Variants in CRYBB2 observed in about 807,000 individuals in gnomAD.
CRYBB2 encodes the protein crystallin beta B2.
Under a neutral mutation model 24.3 loss-of-function variants are expected in CRYBB2, and 12 were observed. That is an observed-to-expected ratio of 0.49 (90% CI 0.32 to 0.80). CRYBB2 has a LOEUF of 0.80. Among genes scored for constraint, CRYBB2 ranks in the 30% least tolerant of loss-of-function variants. The pLI, the probability that CRYBB2 is intolerant of heterozygous loss-of-function variation, is 0.04. For synonymous variants in CRYBB2, 98 were observed against 101.6 expected, an observed-to-expected ratio of 0.96 and a Z score of 0.21; for missense variants, 198 against 268.5, an observed-to-expected ratio of 0.74 and a Z score of 1.83.
At chr22:25,218,233 T>C (rs962138520), upstream of CRYBB2, among the ~76,000 whole-genome samples, 5 of 147,210 alleles carry the variant, frequency 3.4e-5, no homozygotes, top group Non-Finnish European at 7.4e-5. Context: ...CACTCCAGCC[T>C]GGGCGACAGA....
At position 25,221,462 on chromosome 22, in the gene CRYBB2, G is replaced by A. The variant is rs575112867; in HGVS notation, c.33G>A (p.Lys11=). The A allele has an allele frequency of 7.4e-6, 12 of 1,613,886 alleles. No homozygotes were observed. In the South Asian group the frequency reaches 9.9e-5, roughly 13 times the overall value. Residue 11 remains lysine (K), a synonymous_variant, in exon 2 of 6, where the codon AAG becomes AAA. Transcript: ENST00000398215. The part of the protein sequence containing the change: MASDHQTQAG[K]PQSLNPKIII... ...CAGATCACCAGACCCAGGCGGGCAAGCCACAGTCCCTCAACCCCAAGGTGG... is the reference window on the plus strand; with the variant it reads ...CAGATCACCAGACCCAGGCGGGCAAACCACAGTCCCTCAACCCCAAGGTGG...
upstream of CRYBB2, among the ~76,000 whole-genome samples, chr22:25,218,735 GGGAGAGAGAGA>G (rs1569015960): frequency 1.9e-3 from 79 of 41,492 alleles, 2 homozygotes; most frequent in African/African-American, 7.3e-3. Flanking sequence ...AGAGAGAGAG[GGGAGAGAGAGA>G]GAGAGAGAGA....
At chr22:25,218,743 GA>G (rs1270415629), upstream of CRYBB2, among the ~76,000 whole-genome samples, 4 of 24,008 alleles carry the variant, frequency 1.7e-4, no homozygotes, top group Admixed American at 3.4e-4. Flanking sequence ...AGGGGAGAGA[GA>G]GAGAGAGAGA....
upstream of CRYBB2, among the ~76,000 whole-genome samples, chr22:25,218,814 G>GAAAGAAAGAAAGAAAGAAAGAAAGA (rs1569016409): frequency 4.6e-4 from 58 of 126,424 alleles, no homozygotes; most frequent in African/African-American, 1.8e-3. Context: ...AAGAAAGAAA[G>GAAAGAAAGAAAGAAAGAAAGAAAGA]AAAGAAAGAA....
upstream of CRYBB2, among the ~76,000 whole-genome samples, chr22:25,211,728 T>C (rs117625895): frequency 1.1e-4 from 17 of 152,268 alleles, no homozygotes; most frequent in Non-Finnish European, 2.2e-4. Flanking sequence ...AATTTTGTCT[T>C]CTATGGGGCA....
At chr22:25,225,518 CA>C (rs141382461) in intron 3 of CRYBB2, among the ~76,000 whole-genome samples, 14,055 of 152,158 alleles carry the variant, frequency 0.092, 780 homozygotes, top group African/African-American at 0.15. Context: ...TGGGTCTTTA[CA>C]GATTTTTTGG....
At chr22:25,220,183 CTAAT>C (rs1302487587) in intron 1 of CRYBB2, among the ~76,000 whole-genome samples, 1 of 152,156 alleles carries the variant, frequency 6.6e-6, no homozygotes, top group Non-Finnish European at 1.5e-5. Context: ...AGAAATGACT[CTAAT>C]AATGCCACAA....
At chr22:25,215,160 G>A (rs1047034541), upstream of CRYBB2, among the ~76,000 whole-genome samples, 17 of 152,252 alleles carry the variant, frequency 1.1e-4, no homozygotes, top group African/African-American at 3.6e-4. Flanking sequence ...CAAAATCTCT[G>A]CAGCACTGTG....
intron 2 of CRYBB2, among the ~76,000 whole-genome samples, chr22:25,224,041 G>A (rs9612895): frequency 0.25 from 38,181 of 150,958 alleles, 5,058 homozygotes; most frequent in Middle Eastern, 0.33. Context: ...GGAGAATGGC[G>A]TGAACCCAGG....
rs148252378 is a variant in CRYBB2 at position 25,227,155 on chromosome 22, G to C, written c.174-698G>C. Among the ~76,000 whole-genome samples the C allele has an allele frequency of 4.9e-4, 74 of 152,292 alleles. 1 individual carries two copies. The East Asian group carries it at 0.013, about 27-fold the overall frequency. ...CCTCTGCACTGGTTGGTCCCAGAAT[G>C]CTAATCATTTTGAGATTTGTGCCTT... On this transcript the variant is annotated intron_variant, in intron 3 of 5. Transcript: ENST00000398215.
At chr22:25,230,903 G>T (rs1404038967) in intron 5 of CRYBB2, among the ~76,000 whole-genome samples, 1 of 152,024 alleles carries the variant, frequency 6.6e-6, no homozygotes, top group Non-Finnish European at 1.5e-5. Flanking sequence ...AGTAGGAATT[G>T]CAGGGGTAAA....
chr22:25,218,847 A>AGAAAGAAAGAGAAAGG (rs1555888347), upstream of CRYBB2, among the ~76,000 whole-genome samples: 3 of 114,452 alleles, frequency 2.6e-5, no homozygotes, highest in Admixed American at 8.5e-5. Context: ...AGAGAAAGAA[A>AGAAAGAAAGAGAAAGG]GAAAGAAAGA....
rs1331960552 is a variant in CRYBB2 at position 25,222,529 on chromosome 22, A to AAAAG, written c.54+1047_54+1050dup. On this transcript the variant is annotated intron_variant, in intron 2 of 5. Transcript: ENST00000398215. ...CGAGGTGGGAGGACTGTTTGAACCC[A>AAAAG]AAAGTTTGAGCCCAGCCTGGGCAAC... Among the ~76,000 whole-genome samples the AAAAG allele has an allele frequency of 3.9e-5, 6 of 152,260 alleles. No individual in the cohort carries two copies. The East Asian group carries it at 1.2e-3, about 29-fold the overall frequency.
At position 25,224,921 on chromosome 22, in the gene CRYBB2, A is replaced by G. The variant is rs1935386210; in HGVS notation, c.58A>G (p.Ile20Val). ...TGAGTCTCGCTTCCTCTTGCAGATC[A>G]TCATCTTTGAGCAGGAAAACTTTCA... ...GKPQSLNPKI[I>V]IFEQENFQGH... Residue 20 changes from isoleucine (I) to valine (V), a missense_variant, in exon 3 of 6, where the codon ATC becomes GTC. Transcript: ENST00000398215. The G allele has an allele frequency of 2.6e-6, 4 of 1,554,440 alleles. No individual in the cohort carries two copies. Among genetic ancestry groups the G allele is most frequent in the Non-Finnish European group, 3.6e-6 (4 of 1,125,418 alleles).
At chr22:25,225,434 C>G (rs1180518105) in intron 3 of CRYBB2, among the ~76,000 whole-genome samples, 1 of 152,150 alleles carries the variant, frequency 6.6e-6, no homozygotes. Flanking sequence ...CAGGAGTGTC[C>G]TCACTCCTGG....
chr22:25,218,800 AAG>A (rs1397708794), upstream of CRYBB2, among the ~76,000 whole-genome samples: 6 of 116,360 alleles, frequency 5.2e-5, no homozygotes, highest in South Asian at 6.9e-4. Flanking sequence ...GAAAGAAAGA[AAG>A]AAAGAAAGAA....
intron 1 of CRYBB2, chr22:25,213,534 T>G (rs1935131783): frequency 6.6e-6 from 1 of 152,230 alleles, no homozygotes; most frequent in Non-Finnish European, 1.5e-5. Context: ...TGGTGTGGGC[T>G]CTGCCATTTT....
At chr22:25,231,184 C>T (rs964205693) in intron 5 of CRYBB2, among the ~76,000 whole-genome samples, 18 of 152,136 alleles carry the variant, frequency 1.2e-4, no homozygotes, top group African/African-American at 2.7e-4. Flanking sequence ...CATCAGAAGG[C>T]CCCTGGAACC....
At chr22:25,227,156 C>G (rs1263120232) in intron 3 of CRYBB2, among the ~76,000 whole-genome samples, 1 of 152,206 alleles carries the variant, frequency 6.6e-6, no homozygotes, top group South Asian at 2.1e-4. Flanking sequence ...TCCCAGAATG[C>G]TAATCATTTT....
Sources: allele counts gnomAD v4.1 joint callset (sites outside exome capture counted in the v4.1 genomes callset), GRCh38; gene constraint gnomAD v4.1.1; transcripts MANE v1.5; gene names NCBI Gene and HGNC (gene_info 2026-07-23, HGNC 2026-07-21).